Variants in KIRREL3 observed in about 807,000 individuals in gnomAD.
The protein encoded by KIRREL3 is kirre like nephrin family adhesion molecule 3, also known as kin of IRRE-like protein 3.
A neutral mutation model predicts 89.7 loss-of-function variants in KIRREL3; 36 were observed. That is an observed-to-expected ratio of 0.40 (90% CI 0.31 to 0.53). The LOEUF (loss-of-function observed/expected upper bound fraction) is 0.53, where lower values mean the gene tolerates loss of function less well. KIRREL3 is among the 20% of genes least tolerant of loss of function. The pLI is 0.49. For synonymous variants in KIRREL3, 445 were observed against 441.4 expected (o/e 1.01, Z -0.10); for missense variants, 864 against 1,056.6 (o/e 0.82, Z 2.53).
chr11:126,728,258 G>A (rs1288889938), intron 1 of KIRREL3, among the ~76,000 whole-genome samples: 1 of 152,082 alleles, frequency 6.6e-6, no homozygotes, highest in Non-Finnish European at 1.5e-5. Flanking sequence ...GTCACTTGAA[G>A]CCCCCAAGCC....
chr11:126,424,307 A>G lies in KIRREL3; in HGVS notation c.*273T>C. The G allele has an allele frequency of 2.0e-6, 1 of 507,506 alleles. No individual in the cohort carries two copies. The highest frequency in any genetic ancestry group is 3.6e-6 in the Non-Finnish European group (1 of 281,580). 31.4% of individuals were successfully genotyped at this position (507,506 alleles called of 1,614,324 possible). A position where few individuals can be genotyped will look rare whatever the true frequency, so the allele number is the denominator to read the frequency against. On this transcript the variant is annotated 3_prime_UTR_variant, in exon 17 of 17. Coordinates refer to ENST00000525144, the MANE Select transcript of KIRREL3 (RefSeq NM_032531.4). ...CAGGTGGTAGAGGGGCCTCCAGGAAAGGGCCGGGGACACGGGTGTCCAGCA... is the reference window on the plus strand; with the variant it reads ...CAGGTGGTAGAGGGGCCTCCAGGAAGGGGCCGGGGACACGGGTGTCCAGCA...
At position 126,475,761 on chromosome 11, in the gene KIRREL3, G is replaced by A. The variant is rs547804111; in HGVS notation, c.434-2295C>T. Among the ~76,000 whole-genome samples, 4 of 152,364 alleles carry A rather than the reference G, an allele frequency of 2.6e-5. No individual in the cohort carries two copies. Among genetic ancestry groups the A allele is most frequent in the African/African-American group, 7.2e-5 (3 of 41,596 alleles). On this transcript the variant is annotated intron_variant, in intron 4 of 16. Transcript: ENST00000525144. This position sits in a 1 kb window ranked among gnomAD's most constrained non-coding sequence, Gnocchi z 7.5. ...CCTGGCCACAGGGCAAAACGGAGGC[G>A]GCTCAGGGCTTTCCACCAAGTGGGG...
Position 126,924,675 on chromosome 11 carries a change from T to C in KIRREL3, c.55+75780A>G, listed in dbSNP as rs1417895063. ...AAGAAAAAGGAGCAGCTTTGCTCTA[T>C]TAAAACCCCTGCCTTTCCAAGCAAA... On this transcript the variant is annotated intron_variant, in intron 1 of 16. Transcript: ENST00000525144. The surrounding 1 kb of genome is among the most constrained non-coding windows in gnomAD (Gnocchi z 4.7). 6.6e-6 allele frequency among the ~76,000 whole-genome samples: 1 copy of C among 152,168 alleles called. No homozygotes were observed. The highest frequency in any genetic ancestry group is 1.5e-5 in the Non-Finnish European group (1 of 68,032).
intron 1 of KIRREL3, among the ~76,000 whole-genome samples, chr11:126,731,957 C>A (rs1948632958): frequency 6.6e-6 from 1 of 152,188 alleles, no homozygotes; most frequent in Non-Finnish European, 1.5e-5. Flanking sequence ...GAGGACTGTG[C>A]CCCCAGCAGC....
At chr11:126,840,792 TATC>T (rs1407413340) in intron 1 of KIRREL3, among the ~76,000 whole-genome samples, 1 of 152,230 alleles carries the variant, frequency 6.6e-6, no homozygotes, top group African/African-American at 2.4e-5. Flanking sequence ...AATTTCACAG[TATC>T]ACAGTGACTG....
rs781239110 is a variant in KIRREL3, at chr11:126,689,679, C to T, written c.56-126767G>A. On this transcript the variant is annotated intron_variant, in intron 1 of 16. Transcript: ENST00000525144. This position sits in a 1 kb window ranked among gnomAD's most constrained non-coding sequence, Gnocchi z 5.2. ...CTGCATTGCAAGGGCCTGGCTTTTA[C>T]GCAGTTTCGCTTCAAGTCAGTGCAA... 9.2e-5 allele frequency among the ~76,000 whole-genome samples: 14 copies of T among 152,326 alleles called. No homozygotes were observed. In the East Asian group the frequency reaches 1.2e-3, roughly 13 times the overall value.
At chr11:126,986,001 CTG>C (rs2135261712) in intron 1 of KIRREL3, among the ~76,000 whole-genome samples, 1 of 152,262 alleles carries the variant, frequency 6.6e-6, no homozygotes, top group African/African-American at 2.4e-5. Flanking sequence ...TTCTGTTTCT[CTG>C]TCTCTCCTCT....
intron 1 of KIRREL3, among the ~76,000 whole-genome samples, chr11:126,821,484 T>C (rs774781582): frequency 4.2e-4 from 64 of 151,504 alleles, no homozygotes; most frequent in Non-Finnish European, 1.9e-4. Context: ...TGGGCAAAAA[T>C]TATTTAACTA....
rs1413238924 is a variant in KIRREL3, at chr11:126,558,396, C to T, written c.133+4439G>A. On this transcript the variant is annotated intron_variant, in intron 2 of 16. Coordinates refer to ENST00000525144, the MANE Select transcript of KIRREL3 (RefSeq NM_032531.4). This position sits in a 1 kb window ranked among gnomAD's most constrained non-coding sequence, Gnocchi z 4.0. Reference sequence around the variant, plus strand: ...CCTGCCTTGCCACTTCCTCTCTTTCCAGCCACCCTGAAAAATGAAACCAAG... The same window carrying T: ...CCTGCCTTGCCACTTCCTCTCTTTCTAGCCACCCTGAAAAATGAAACCAAG... 6.6e-6 allele frequency among the ~76,000 whole-genome samples: 1 copy of T among 152,130 alleles called. No individual in the cohort carries two copies. The highest frequency in any genetic ancestry group is 1.5e-5 in the Non-Finnish European group (1 of 68,034).
At position 126,879,479 on chromosome 11, in the gene KIRREL3, C is replaced by T. The variant is rs1945414056; in HGVS notation, c.55+120976G>A. On this transcript the variant is annotated intron_variant, in intron 1 of 16. Transcript: ENST00000525144. The surrounding 1 kb of genome is among the most constrained non-coding windows in gnomAD (Gnocchi z 5.4). ...ATTTGATGTCATGCCGTTAAGATAA[C>T]TATAGGTCCTTCTGATCAACACCAT... is the stretch of plus-strand genomic sequence containing the variant. 6.6e-6 allele frequency among the ~76,000 whole-genome samples: 1 copy of T among 152,162 alleles called. No individual in the cohort carries two copies. The highest frequency in any genetic ancestry group is 1.5e-5 in the Non-Finnish European group (1 of 68,022).
At chr11:126,450,887 A>ATG (rs1565462959) in intron 7 of KIRREL3, among the ~76,000 whole-genome samples, 6 of 125,670 alleles carry the variant, frequency 4.8e-5, no homozygotes, top group African/African-American at 9.9e-5. Context: ...GCATGTGTGC[A>ATG]TGTGCGTGTG....
chr11:126,992,553 T>C (rs1487009519), intron 1 of KIRREL3: 1 of 152,234 alleles, frequency 6.6e-6, no homozygotes, highest in African/African-American at 2.4e-5. Flanking sequence ...GATGATATTC[T>C]CTACTCTTAA....
At chr11:126,941,554 G>A (rs1050660253) in intron 1 of KIRREL3, among the ~76,000 whole-genome samples, 2 of 152,170 alleles carry the variant, frequency 1.3e-5, no homozygotes, top group South Asian at 2.1e-4. Flanking sequence ...TTGACATTCC[G>A]GCAGCCTAGA....
chr11:126,615,686 T>C lies in KIRREL3; in HGVS notation c.56-52774A>G, dbSNP rs1004623365. 1.3e-5 allele frequency among the ~76,000 whole-genome samples: 2 copies of C among 152,190 alleles called. No homozygotes were observed. The highest frequency in any genetic ancestry group is 4.8e-5 in the African/African-American group (2 of 41,438). ...AGGAGCTGAGTAGATTTTTAGAGTC[T>C]GAGGTCACCCAGTTACTGCTCTATC... On this transcript the variant is annotated intron_variant, in intron 1 of 16. Transcript: ENST00000525144. The surrounding 1 kb of genome is among the most constrained non-coding windows in gnomAD (Gnocchi z 5.4).
chr11:126,618,877 C>T (rs529824663), intron 1 of KIRREL3, among the ~76,000 whole-genome samples: 9 of 152,304 alleles, frequency 5.9e-5, no homozygotes, highest in African/African-American at 1.2e-4. Flanking sequence ...AATGACTCCA[C>T]GAGGTGTCAG....
In KIRREL3 at chr11:126,821,351, A is replaced by ATATATATATATATATATGTG. The variant is rs756545626; in HGVS notation, c.55+179103_55+179104insCACATATATATATATATATA. 2.0e-3 allele frequency among the ~76,000 whole-genome samples: 208 copies of ATATATATATATATATATGTG among 105,200 alleles called. 10 individuals carry two copies. Among genetic ancestry groups the ATATATATATATATATATGTG allele is most frequent in the East Asian group, 5.7e-3 (17 of 2,976 alleles). 69.0% of individuals were successfully genotyped at this position (105,200 alleles called of 152,430 possible). A position where few individuals can be genotyped will look rare whatever the true frequency, so the allele number is the denominator to read the frequency against. Reference sequence around the variant, plus strand: ...ACAGTATATATATATATATATATATATGTAACTTCCAACCAACATCCCTTC... The same window carrying ATATATATATATATATATGTG: ...ACAGTATATATATATATATATATATATATATATATATATATATGTGTGTAACTTCCAACCAACATCCCTTC... On this transcript the variant is annotated intron_variant, in intron 1 of 16. Transcript: ENST00000525144.
In KIRREL3 at chr11:126,550,260, G is replaced by T. The variant is rs1467029384; in HGVS notation, c.133+12575C>A. 1 of 152,158 alleles carries T rather than the reference G, an allele frequency of 6.6e-6. No homozygotes were observed. Among genetic ancestry groups the T allele is most frequent in the Admixed American group, 6.5e-5 (1 of 15,276 alleles). 9.4% of individuals were successfully genotyped at this position (152,158 alleles called of 1,614,324 possible). On this transcript the variant is annotated intron_variant, in intron 2 of 16. Coordinates refer to ENST00000525144, the MANE Select transcript of KIRREL3 (RefSeq NM_032531.4). The surrounding 1 kb of genome is among the most constrained non-coding windows in gnomAD (Gnocchi z 4.9). ...GGGATATGGAACCAGATGACCTTTG[G>T]TCCCTTCTGGCCTGGAGAATCTGTA...
At chr11:126,497,497 G>A (rs1025958418) in intron 4 of KIRREL3, among the ~76,000 whole-genome samples, 2 of 152,180 alleles carry the variant, frequency 1.3e-5, no homozygotes, top group African/African-American at 2.4e-5. Context: ...TACAGTGGCC[G>A]CAGGGCCACA....
At chr11:126,451,558 G>C (rs375145222) in intron 7 of KIRREL3, among the ~76,000 whole-genome samples, 30 of 145,870 alleles carry the variant, frequency 2.1e-4, no homozygotes, top group Admixed American at 6.3e-4. Context: ...GTGTGCATGT[G>C]TGTGATCATG....
Sources: allele counts gnomAD v4.1 joint callset (sites outside exome capture counted in the v4.1 genomes callset), GRCh38; gene constraint gnomAD v4.1.1; non-coding constraint Gnocchi (gnomAD v3.1); transcripts MANE v1.5; gene names NCBI Gene and HGNC (gene_info 2026-07-23, HGNC 2026-07-21).